The following USH2A variants were observed in gnomAD, a reference collection of about 807,000 sequenced individuals.
The protein encoded by USH2A is usherin.
Under a neutral mutation model 538.9 loss-of-function variants are expected in USH2A, and 443 were observed. The ratio of observed to expected loss-of-function variants is 0.82; its 90% CI spans 0.76 to 0.89. The LOEUF (loss-of-function observed/expected upper bound fraction) is 0.89. Among genes scored for constraint, USH2A ranks in the 40% least tolerant of loss-of-function variants. The probability of loss-of-function intolerance (pLI) is 0.00; values close to 1 mark genes in which losing one functional copy is unlikely to be tolerated. For synonymous variants in USH2A, 2,413 were observed against 2,273.5 expected (o/e 1.06, Z -1.75); for missense variants, 6,633 against 6,324.8 (o/e 1.05, Z -1.65).
chr1:216,023,504 AG>A (rs1296377263), intron 32 of USH2A, among the ~76,000 whole-genome samples: 1 of 150,604 alleles, frequency 6.6e-6, no homozygotes, highest in Non-Finnish European at 1.5e-5. Flanking sequence ...AAGACACAAA[AG>A]ATAGAGTGAG....
chr1:216,347,039 A>G (rs1210119367), intron 4 of USH2A, among the ~76,000 whole-genome samples: 1 of 152,120 alleles, frequency 6.6e-6, no homozygotes, highest in Non-Finnish European at 1.5e-5. Context: ...TGATAAAATA[A>G]AGACATTTGG....
At chr1:215,866,016 C>T (rs925048167) in intron 44 of USH2A, among the ~76,000 whole-genome samples, 1 of 152,156 alleles carries the variant, frequency 6.6e-6, no homozygotes, top group African/African-American at 2.4e-5. Context: ...AGTGACTTTT[C>T]ATCTTTTTAT....
chr1:215,850,836 T>A (rs1663998583), intron 44 of USH2A, among the ~76,000 whole-genome samples: 1 of 152,086 alleles, frequency 6.6e-6, no homozygotes, highest in African/African-American at 2.4e-5. Context: ...TAAAATCATA[T>A]CAAGTACTCT....
rs2102665275 is a variant in USH2A at position 215,674,492 on chromosome 1, C to T, written c.13419G>A (p.Gln4473=). 1.2e-6 allele frequency: 2 copies of T among 1,614,150 alleles called. No individual in the cohort carries two copies. The highest frequency in any genetic ancestry group is 1.7e-6 in the Non-Finnish European group (2 of 1,180,026). The stretch of plus-strand genomic sequence containing the variant: ...CCCTCCTAAGTTCATAACTTCTGAT[C>T]TGGCCATTTGGGTTTCTTGGAGGTT... ...TWKPPRNPNG[Q]IRSYELRRDG... is the part of the protein sequence containing the mutation. The change falls in exon 63 of 72, where the codon CAG becomes CAA. Residue 4473 remains glutamine (Q), a synonymous_variant. Transcript: ENST00000307340.
chr1:216,292,433 A>T, intron 9 of USH2A, 63 bp from the exon 10 acceptor site: 1 of 1,544,508 alleles, frequency 6.5e-7, no homozygotes. Flanking sequence ...CATTTTATTG[A>T]TATGTTAGGC....
intron 38 of USH2A, among the ~76,000 whole-genome samples, chr1:215,929,985 G>T (rs1055275965): frequency 4.0e-5 from 6 of 151,854 alleles, no homozygotes; most frequent in Non-Finnish European, 5.9e-5. Flanking sequence ...CAAACTACTC[G>T]CAACCATTTT....
At chr1:216,026,312 G>C (rs771656728) in intron 32 of USH2A, among the ~76,000 whole-genome samples, 1 of 152,068 alleles carries the variant, frequency 6.6e-6, no homozygotes, top group Admixed American at 6.6e-5. Flanking sequence ...TAAAATAATT[G>C]ATCAATTTTT....
At chr1:216,176,872 C>T (rs765364450) in intron 20 of USH2A, among the ~76,000 whole-genome samples, 1 of 152,144 alleles carries the variant, frequency 6.6e-6, no homozygotes, top group Admixed American at 6.6e-5. Context: ...TCATCATTTG[C>T]TAGCTCATTT....
intron 61 of USH2A, among the ~76,000 whole-genome samples, chr1:215,725,383 A>T (rs1215079727): frequency 6.6e-6 from 1 of 152,150 alleles, no homozygotes; most frequent in Non-Finnish European, 1.5e-5. Context: ...ACACAAAAAC[A>T]CTAGTTCATT....
chr1:215,693,092 A>ATATGTG (rs371000210), intron 61 of USH2A, among the ~76,000 whole-genome samples: 3,337 of 131,576 alleles, frequency 0.025, 155 homozygotes, highest in African/African-American at 0.084. Flanking sequence ...ATATATATAT[A>ATATGTG]TGTGTGTGTG....
At chr1:216,056,921 T>G (rs895054695) in intron 30 of USH2A, among the ~76,000 whole-genome samples, 4 of 152,134 alleles carry the variant, frequency 2.6e-5, no homozygotes, top group Non-Finnish European at 5.9e-5. Flanking sequence ...AACAGAAAAG[T>G]CTGGCTGTGC....
chr1:215,791,249 T>C (rs751325342), intron 50 of USH2A, among the ~76,000 whole-genome samples: 14 of 152,228 alleles, frequency 9.2e-5, no homozygotes, highest in Non-Finnish European at 1.8e-4. Flanking sequence ...TATCCAGTTA[T>C]ATAGCAGCAC....
At chr1:216,028,151 GC>G (rs1669012930) in intron 32 of USH2A, among the ~76,000 whole-genome samples, 1 of 152,130 alleles carries the variant, frequency 6.6e-6, no homozygotes, top group Non-Finnish European at 1.5e-5. Flanking sequence ...ACTTTGGGAA[GC>G]CAAGGTGGGC....
intron 27 of USH2A, among the ~76,000 whole-genome samples, chr1:216,074,627 A>G (rs79685687): frequency 0.018 from 2,688 of 152,264 alleles, 83 homozygotes; most frequent in African/African-American, 0.061. Context: ...AGTCTATCTT[A>G]AACACACAGT....
intron 30 of USH2A, among the ~76,000 whole-genome samples, chr1:216,060,368 C>T (rs10864229): frequency 0.48 from 72,343 of 151,648 alleles, 17,497 homozygotes; most frequent in Middle Eastern, 0.52. Flanking sequence ...AAATTAGAGG[C>T]AGATTTTCAG....
At chr1:215,654,164 C>CAT (rs1657167537) in intron 64 of USH2A, among the ~76,000 whole-genome samples, 1 of 152,050 alleles carries the variant, frequency 6.6e-6, no homozygotes, top group South Asian at 2.1e-4. Flanking sequence ...TTAGACTGAA[C>CAT]ATATATATAT....
chr1:216,188,957 G>T (rs2034662658), intron 20 of USH2A, among the ~76,000 whole-genome samples: 1 of 151,798 alleles, frequency 6.6e-6, no homozygotes, highest in African/African-American at 2.4e-5. Context: ...GTCTGAAATT[G>T]TATCATTTAA....
At chr1:215,898,531 C>T (rs1021305795) in intron 40 of USH2A, among the ~76,000 whole-genome samples, 6 of 152,014 alleles carry the variant, frequency 3.9e-5, no homozygotes, top group South Asian at 2.1e-4. Flanking sequence ...GGGAGATTAC[C>T]GCTGAGGAAG....
rs377254440 is a variant in USH2A, at chr1:216,422,131, C to A, written c.206G>T (p.Ser69Ile). 24 of 1,613,694 alleles carry A rather than the reference C, an allele frequency of 1.5e-5. No individual in the cohort carries two copies. The East Asian group carries it at 2.2e-4, about 15-fold the overall frequency. ...CTGAATACTTTCAGCAGCAGCAGAG[C>A]TGTGACAAAAAGTGCTTCGGTCTGG... is the stretch of plus-strand genomic sequence containing the variant. The part of the protein sequence containing the change: ...GLPDRSTFCH[S>I]SAAAESIQFC... The change falls in exon 2 of 72, where the codon AGC (serine) becomes ATC (isoleucine). Residue 69 changes from serine (S) to isoleucine (I), a missense_variant. By Grantham distance (142) the Ser-to-Ile change is moderately radical. Coordinates refer to ENST00000307340, the MANE Select transcript of USH2A (RefSeq NM_206933.4).
Sources: gnomAD v4.1 joint callset for allele counts (sites outside exome capture counted in the v4.1 genomes callset) on GRCh38, gnomAD v4.1.1 for gene constraint, MANE v1.5 for transcripts, NCBI Gene and HGNC (gene_info 2026-07-23, HGNC 2026-07-21) for gene names.